LAMC2: variants seen among roughly 807,000 people sequenced by gnomAD.
LAMC2 encodes laminin subunit gamma-2.
In LAMC2, 97 loss-of-function variants were observed where a neutral mutation model predicts 140.2. The ratio of observed to expected loss-of-function variants is 0.69; its 90% CI spans 0.59 to 0.82. The LOEUF (loss-of-function observed/expected upper bound fraction) is 0.82. Ranked by LOEUF, LAMC2 falls within the 40% of genes least tolerant of loss-of-function variation. The pLI, the probability that LAMC2 is intolerant of heterozygous loss-of-function variation, is 0.00. For missense variants in LAMC2, 1,402 were observed against 1,476.1 expected (o/e 0.95, Z 0.82); for synonymous variants, 513 against 540.2 (o/e 0.95, Z 0.70).
At chr1:183,235,817 T>A (rs1659944819) in intron 16 of LAMC2, 87 bp downstream of exon 16, 1 of 1,380,738 alleles carries the variant, frequency 7.2e-7, no homozygotes, top group Non-Finnish European at 1.0e-6. Context: ...GGCACCATGC[T>A]AGTTGTAAAA....
intron 2 of LAMC2, among the ~76,000 whole-genome samples, chr1:183,214,154 C>T (rs990477206): frequency 2.6e-5 from 4 of 152,160 alleles, no homozygotes; most frequent in Non-Finnish European, 5.9e-5. Flanking sequence ...TCTCTCAGCT[C>T]CTTCCACAAC....
chr1:183,193,395 C>T (rs907796250), intron 1 of LAMC2, among the ~76,000 whole-genome samples: 3 of 152,130 alleles, frequency 2.0e-5, no homozygotes, highest in Non-Finnish European at 2.9e-5. Flanking sequence ...TCTGTATATA[C>T]GTAATCACGT....
intron 22 of LAMC2, among the ~76,000 whole-genome samples, chr1:183,242,379 A>G (rs954175189): frequency 4.7e-4 from 72 of 152,198 alleles, no homozygotes; most frequent in Non-Finnish European, 3.2e-4. Flanking sequence ...CATGCAGTCA[A>G]ATACTATCAC....
At position 183,243,180 on chromosome 1, in the gene LAMC2, T is replaced by C. The variant is rs1270861620; in HGVS notation, c.3362T>C (p.Val1121Ala). 4.4e-6 allele frequency: 7 copies of C among 1,600,252 alleles called. No individual in the cohort carries two copies. The highest frequency in any genetic ancestry group is 6.0e-6 in the Non-Finnish European group (7 of 1,173,840). ...QPLSVDEEGL[V>A]LLEQKLSRAK... ...CTCAGTGTAGATGAAGAGGGGCTGG[T>C]CTTACTGGAGCAGAAGCTTTCCCGA... The change falls in exon 23 of 23, where the codon GTC becomes GCC. Residue 1121 changes from valine to alanine, a missense_variant. By Grantham distance (64) the Val-to-Ala change is moderately conservative. This residue lies in a region of LAMC2 where 670 missense variants were observed against 667.2 expected (regional missense o/e 1.00). Transcript: ENST00000264144.
chr1:183,242,765 A>T (rs1660162780), intron 22 of LAMC2, among the ~76,000 whole-genome samples: 1 of 151,982 alleles, frequency 6.6e-6, no homozygotes. Flanking sequence ...TTTGGAGTTG[A>T]TTCTAATCCT....
the LAMC2 span, among the ~76,000 whole-genome samples, chr1:183,257,859 T>G: frequency 2.6e-5 from 4 of 152,166 alleles, no homozygotes; most frequent in Admixed American, 2.6e-4. Context: ...CTATTTAGTT[T>G]TGCTCTAATC....
At chr1:183,226,944 G>A in intron 9 of LAMC2, 28 bp downstream of exon 9, 1 of 1,572,076 alleles carries the variant, frequency 6.4e-7, no homozygotes, top group Non-Finnish European at 8.7e-7. Context: ...TGGACCAGGT[G>A]GCTGGGGTGT....
At position 183,239,849 on chromosome 1, in the gene LAMC2, C is replaced by G. The variant is rs990986367; in HGVS notation, c.3070-191C>G. 1.8e-5 allele frequency: 13 copies of G among 704,628 alleles called. No homozygotes were observed. In the Admixed American group the frequency reaches 2.9e-4, roughly 16 times the overall value. The allele number at this position is 704,628 out of a possible 1,614,324, so 43.6% of individuals were successfully genotyped here. Reference sequence around the variant, plus strand: ...TGGCCGCTGACCTTCCTAGTCATACCCCCAGATTAGCTTGTTTGAGGCAGA... The same window carrying G: ...TGGCCGCTGACCTTCCTAGTCATACGCCCAGATTAGCTTGTTTGAGGCAGA... On this transcript the variant is annotated intron_variant, in intron 20 of 22. Coordinates refer to ENST00000264144, the MANE Select transcript of LAMC2 (RefSeq NM_005562.3).
At chr1:183,200,271 TCCCA>T (rs749264676) in intron 1 of LAMC2, among the ~76,000 whole-genome samples, 60 of 151,940 alleles carry the variant, frequency 3.9e-4, no homozygotes, top group Non-Finnish European at 7.2e-4. Flanking sequence ...GTGCCTGTAA[TCCCA>T]GCTACTCGAG....
intron 20 of LAMC2, 25 bp downstream of exon 20, chr1:183,239,588 T>C (rs1320481297): frequency 1.9e-6 from 3 of 1,591,144 alleles, no homozygotes; most frequent in African/African-American, 2.7e-5. Context: ...ACATGTGTGT[T>C]GGTGCCAGTA....
chr1:183,211,955 T>A (rs1659083030), intron 2 of LAMC2, among the ~76,000 whole-genome samples: 2 of 152,108 alleles, frequency 1.3e-5, no homozygotes, highest in Admixed American at 1.3e-4. Context: ...AACCAATTGT[T>A]CACAATCCCT....
downstream of LAMC2, among the ~76,000 whole-genome samples, chr1:183,245,945 G>A (rs570944117): frequency 5.3e-5 from 8 of 152,272 alleles, 1 homozygote; most frequent in Admixed American, 3.3e-4. Flanking sequence ...CGAAATGGGC[G>A]GATCACGAGG....
At chr1:183,236,364 G>A in intron 16 of LAMC2, 96 bp from the exon 17 acceptor site, 1 of 1,205,492 alleles carries the variant, frequency 8.3e-7, no homozygotes, top group Non-Finnish European at 1.2e-6. Flanking sequence ...ACTCCAGCCT[G>A]GACAACAGAG....
intron 22 of LAMC2, 174 bp downstream of exon 22, chr1:183,240,565 G>A: frequency 6.9e-7 from 1 of 1,445,448 alleles, no homozygotes; most frequent in Non-Finnish European, 9.1e-7. Flanking sequence ...TACATTTACT[G>A]GACCCTGTTT....
chr1:183,235,800 C>G (rs1244607407), intron 16 of LAMC2, 70 bp downstream of exon 16: 47 of 1,501,946 alleles, frequency 3.1e-5, no homozygotes, highest in Non-Finnish European at 3.8e-5. Context: ...GCTAACCGTA[C>G]TTGAGGGGCA....
chr1:183,192,171 T>G (rs1240788933), intron 1 of LAMC2, among the ~76,000 whole-genome samples: 1 of 152,226 alleles, frequency 6.6e-6, no homozygotes, highest in African/African-American at 2.4e-5. Context: ...AGTCTTTCCC[T>G]TCTGTTGTAT....
At chr1:183,239,314 T>C (rs1175320988) in intron 19 of LAMC2, 50 bp from the exon 20 acceptor site, 3 of 1,540,572 alleles carry the variant, frequency 1.9e-6, no homozygotes, top group Admixed American at 1.7e-5. Context: ...TTCACTCATT[T>C]GTAAATTTGC....
At position 183,243,342 on chromosome 1, in the gene LAMC2, A is replaced by G; in HGVS notation, c.3524A>G (p.Asn1175Ser). 22 of 1,614,206 alleles carry G rather than the reference A, an allele frequency of 1.4e-5. No homozygotes were observed. The highest frequency in any genetic ancestry group is 1.9e-5 in the Non-Finnish European group (22 of 1,180,036). ...CTGGCTGATGTGAAGAACTTGGAGA[A>G]CATTAGGGACAACCTGCCCCCAGGC... ...GILADVKNLE[N>S]IRDNLPPGCY... Residue 1175 changes from asparagine (N) to serine (S), a missense_variant, in exon 23 of 23, where the codon AAC becomes AGC. Transcript: ENST00000264144.
At position 183,220,922 on chromosome 1, in the gene LAMC2, G is replaced by A. The variant is rs767181086; in HGVS notation, c.601G>A (p.Glu201Lys). 3.1e-6 allele frequency: 5 copies of A among 1,614,068 alleles called. No individual in the cohort carries two copies. Among genetic ancestry groups the A allele is most frequent in the Non-Finnish European group, 1.7e-6 (2 of 1,180,008 alleles). Residue 201 changes from glutamate to lysine, a missense_variant, in exon 5 of 23, where the codon GAA becomes AAA. Physicochemically the swap from Glu to Lys is moderately conservative, Grantham distance 56. This residue lies in a region of LAMC2 where 723 missense variants were observed against 783.3 expected (regional missense o/e 0.92). Coordinates refer to ENST00000264144, the MANE Select transcript of LAMC2 (RefSeq NM_005562.3). ...TTCAGCCAGCTGCCGCAGCTCTGCA[G>A]AATACAGTGTCCATAAGATCACCTC... ...GHSASCRSSA[E>K]YSVHKITSTF...
Sources: allele counts gnomAD v4.1 joint callset (sites outside exome capture counted in the v4.1 genomes callset), GRCh38; gene constraint gnomAD v4.1.1; regional missense constraint gnomAD v4.1.1; transcripts MANE v1.5; gene names NCBI Gene and HGNC (gene_info 2026-07-23, HGNC 2026-07-21).